The following RIT2 variants were observed in gnomAD, a reference collection of about 807,000 sequenced individuals.
RIT2 encodes Ras like without CAAX 2.
RIT2 carries 24 observed loss-of-function variants against 23.7 expected under a neutral mutation model. The observed-to-expected ratio is 1.01, with a 90% CI of 0.73 to 1.43. The LOEUF (loss-of-function observed/expected upper bound fraction) is 1.43. Among genes scored for constraint, RIT2 ranks in the 40% most tolerant of loss-of-function variants. The probability of loss-of-function intolerance (pLI) is 0.00; values close to 1 mark genes in which losing one functional copy is unlikely to be tolerated. For missense variants in RIT2, 236 were observed against 266.9 expected (o/e 0.88, Z 0.81); for synonymous variants, 107 against 91.1 (o/e 1.17, Z -0.99).
chr18:43,040,134 C>T (rs1472257110), intron 1 of RIT2, among the ~76,000 whole-genome samples: 3 of 152,158 alleles, frequency 2.0e-5, no homozygotes, highest in Non-Finnish European at 4.4e-5. Context: ...ACCTATTGAG[C>T]ATCTACTGTG....
At chr18:42,894,134 T>G (rs1238629775) in intron 4 of RIT2, among the ~76,000 whole-genome samples, 1 of 152,104 alleles carries the variant, frequency 6.6e-6, no homozygotes, top group East Asian at 1.9e-4. Flanking sequence ...TCCTGTCACC[T>G]CCCTATATAT....
chr18:43,029,561 T>A (rs1039509681), intron 2 of RIT2, among the ~76,000 whole-genome samples: 1 of 151,814 alleles, frequency 6.6e-6, no homozygotes, highest in East Asian at 1.9e-4. Context: ...CTTAATGCAA[T>A]GAGACAAAAA....
At chr18:43,051,244 A>G (rs1424395930) in intron 1 of RIT2, among the ~76,000 whole-genome samples, 1 of 152,142 alleles carries the variant, frequency 6.6e-6, no homozygotes. Context: ...CTTCCATGTT[A>G]ATGATTGCTG....
chr18:42,775,856 CACAT>C (rs1913657682), intron 4 of RIT2, among the ~76,000 whole-genome samples: 1 of 103,726 alleles, frequency 9.6e-6, no homozygotes, highest in African/African-American at 2.7e-5. Flanking sequence ...CTAACACACA[CACAT>C]ACACACACAC....
At chr18:42,980,023 T>C (rs1388289641) in intron 2 of RIT2, among the ~76,000 whole-genome samples, 1 of 151,998 alleles carries the variant, frequency 6.6e-6, no homozygotes, top group Non-Finnish European at 1.5e-5. Flanking sequence ...AGGAGGGCTC[T>C]GCCACGAAAA....
At chr18:43,042,434 C>G (rs965437598) in intron 1 of RIT2, among the ~76,000 whole-genome samples, 2 of 152,054 alleles carry the variant, frequency 1.3e-5, no homozygotes, top group Non-Finnish European at 2.9e-5. Context: ...TTTGTCATAC[C>G]TTTCAGTAAC....
At chr18:43,033,720 A>G (rs950572186) in intron 2 of RIT2, 91 bp downstream of exon 2, 10 of 875,002 alleles carry the variant, frequency 1.1e-5, no homozygotes, top group Non-Finnish European at 1.7e-5. Context: ...AGTAAATTAT[A>G]TTTATTTTCC....
At chr18:42,991,098 G>T (rs1417028341) in intron 2 of RIT2, among the ~76,000 whole-genome samples, 1 of 151,916 alleles carries the variant, frequency 6.6e-6, no homozygotes, top group South Asian at 2.1e-4. Flanking sequence ...TTAGTAAAAC[G>T]CAGGAAAATC....
chr18:43,096,972 G>T lies in RIT2; in HGVS notation c.103+18445C>A, dbSNP rs141784837. Among the ~76,000 whole-genome samples, 501 of 151,924 alleles carry T rather than the reference G, an allele frequency of 3.3e-3. 3 individuals carry two copies. The highest frequency in any genetic ancestry group is 0.011 in the African/African-American group (474 of 41,506). ...TAAAGAGCTTCATTCTTAGAAAGAGGTGTGTCTTTGATCCTATCCAAAGGG... is the reference window on the plus strand; with the variant it reads ...TAAAGAGCTTCATTCTTAGAAAGAGTTGTGTCTTTGATCCTATCCAAAGGG... On this transcript the variant is annotated intron_variant, in intron 1 of 4. Transcript: ENST00000326695.
chr18:42,878,015 T>C (rs1907789084), intron 4 of RIT2, among the ~76,000 whole-genome samples: 1 of 151,678 alleles, frequency 6.6e-6, no homozygotes. Context: ...ATTTCAAAAA[T>C]CATTGAAATC....
chr18:42,769,279 T>C (rs979308249), intron 4 of RIT2, among the ~76,000 whole-genome samples: 4 of 152,208 alleles, frequency 2.6e-5, no homozygotes, highest in Non-Finnish European at 5.9e-5. Flanking sequence ...TTTCTGTGAC[T>C]TTATTTTTTT....
intron 1 of RIT2, among the ~76,000 whole-genome samples, chr18:43,094,004 A>T (rs1213539003): frequency 6.6e-6 from 1 of 151,988 alleles, no homozygotes; most frequent in East Asian, 1.9e-4. Flanking sequence ...GGAGCAGGGG[A>T]GCAAGCACCA....
Position 42,743,396 on chromosome 18 carries a change from G to A in RIT2, c.*97C>T. ...CTACAGGCAGATATTTAAAGAGAGA[G>A]AGACACATAGAGAGATAATATTGAA... On this transcript the variant is annotated 3_prime_UTR_variant, in exon 5 of 5. Transcript: ENST00000326695. The A allele has an allele frequency of 2.3e-6, 2 of 854,184 alleles. No individual in the cohort carries two copies. The highest frequency in any genetic ancestry group is 3.2e-5 in the South Asian group (2 of 63,024). 52.9% of individuals were successfully genotyped at this position (854,184 alleles called of 1,614,324 possible).
At chr18:42,985,075 G>T (rs1910680365) in intron 2 of RIT2, among the ~76,000 whole-genome samples, 1 of 152,056 alleles carries the variant, frequency 6.6e-6, no homozygotes, top group East Asian at 1.9e-4. Flanking sequence ...TGATTTTGTT[G>T]AGTTTTCTGG....
At chr18:42,903,381 C>G (rs1307125172) in intron 4 of RIT2, among the ~76,000 whole-genome samples, 2 of 151,956 alleles carry the variant, frequency 1.3e-5, no homozygotes, top group African/African-American at 4.8e-5. Flanking sequence ...CTAAGAGCTG[C>G]AAAGCAATTT....
intron 4 of RIT2, among the ~76,000 whole-genome samples, chr18:42,824,010 G>A (rs577571137): frequency 4.6e-5 from 7 of 151,956 alleles, no homozygotes; most frequent in African/African-American, 1.2e-4. Context: ...AAGACTTTTC[G>A]TTCATCTTCA....
intron 4 of RIT2, among the ~76,000 whole-genome samples, chr18:42,834,509 G>T (rs1906545210): frequency 6.6e-6 from 1 of 151,876 alleles, no homozygotes; most frequent in Admixed American, 6.6e-5. Context: ...GATGGGAGTG[G>T]GGTAGAATTT....
intron 1 of RIT2, among the ~76,000 whole-genome samples, chr18:43,042,363 T>G (rs189284578): frequency 2.0e-4 from 31 of 152,324 alleles, no homozygotes; most frequent in Non-Finnish European, 5.9e-5. Flanking sequence ...ATCTGGTTAT[T>G]TCTCTTGTAC....
intron 4 of RIT2, among the ~76,000 whole-genome samples, chr18:42,837,153 CTTTTTTTTT>C (rs570701535): frequency 8.7e-4 from 45 of 51,698 alleles, no homozygotes; most frequent in South Asian, 9.2e-4. Flanking sequence ...TTTTCTTTTT[CTTTTTTTTT>C]TTTTTTTTTT....
Sources: gnomAD v4.1 joint callset for allele counts (sites outside exome capture counted in the v4.1 genomes callset) on GRCh38, gnomAD v4.1.1 for gene constraint, MANE v1.5 for transcripts, NCBI Gene and HGNC (gene_info 2026-07-23, HGNC 2026-07-21) for gene names.